The following FNDC1 variants were observed in gnomAD, a reference collection of about 807,000 sequenced individuals.
The protein encoded by FNDC1 is fibronectin type III domain containing 1.
A neutral mutation model predicts 168.0 loss-of-function variants in FNDC1; 96 were observed. The ratio of observed to expected loss-of-function variants is 0.57; its 90% CI spans 0.48 to 0.68. FNDC1 has a LOEUF of 0.68. Among genes scored for constraint, FNDC1 ranks in the 30% least tolerant of loss-of-function variants. FNDC1 has a pLI of 0.00. For missense variants in FNDC1, 2,587 were observed against 2,482.1 expected (o/e 1.04, Z -0.90); for synonymous variants, 1,099 against 1,025.9 (o/e 1.07, Z -1.36).
chr6:159,223,687 G>T, intron 7 of FNDC1, 42 bp downstream of exon 7: 2 of 1,220,868 alleles, frequency 1.6e-6, no homozygotes, highest in Non-Finnish European at 1.2e-6. Context: ...TGAGAGATGG[G>T]GTTTTTCTGG....
intron 1 of FNDC1, among the ~76,000 whole-genome samples, chr6:159,185,402 G>A (rs943532517): frequency 6.6e-6 from 1 of 152,226 alleles, no homozygotes; most frequent in Non-Finnish European, 1.5e-5. Flanking sequence ...AAATCCAGAA[G>A]TGATGTTAGG....
intron 7 of FNDC1, 30 bp from the exon 8 acceptor site, chr6:159,225,505 G>C: frequency 6.4e-7 from 1 of 1,556,696 alleles, no homozygotes; most frequent in Non-Finnish European, 8.8e-7. Context: ...AGAGAATTTG[G>C]ACAGATCATT....
At chr6:159,188,746 CTTT>C (rs869093208) in intron 1 of FNDC1, among the ~76,000 whole-genome samples, 4 of 126,516 alleles carry the variant, frequency 3.2e-5, no homozygotes, top group South Asian at 2.7e-4. Flanking sequence ...TTAATTTTTA[CTTT>C]TTTTTTTTTT....
intron 6 of FNDC1, among the ~76,000 whole-genome samples, chr6:159,222,576 G>C (rs980651627): frequency 6.6e-6 from 1 of 152,212 alleles, no homozygotes; most frequent in Non-Finnish European, 1.5e-5. Context: ...CATCTTGTGA[G>C]TCTTTTGAAC....
chr6:159,266,135 C>T lies in FNDC1; in HGVS notation c.5336C>T (p.Thr1779Met), dbSNP rs549929881. The change falls in exon 21 of 23, where the codon ACG (threonine) becomes ATG (methionine). Residue 1779 changes from threonine (T) to methionine (M), a missense_variant. Physicochemically the swap from Thr to Met is moderately conservative, Grantham distance 81 (BLOSUM62 -1). Transcript: ENST00000297267. Reference protein sequence around the residue: ...PFAFKHDPSYTDCHGRQYVKR... With the variant: ...PFAFKHDPSYMDCHGRQYVKR... ...GCTTTCAAACATGATCCCAGCTACACGGACTGCCATGGACGGCAATATGTG... is the reference window on the plus strand; with the variant it reads ...GCTTTCAAACATGATCCCAGCTACATGGACTGCCATGGACGGCAATATGTG... 2.7e-5 allele frequency: 43 copies of T among 1,613,830 alleles called. No individual in the cohort carries two copies. The highest frequency in any genetic ancestry group is 8.3e-5 in the Admixed American group (5 of 60,004).
intron 4 of FNDC1, among the ~76,000 whole-genome samples, chr6:159,213,634 A>G (rs1782650518): frequency 1.3e-5 from 2 of 152,096 alleles, no homozygotes; most frequent in African/African-American, 4.8e-5. Flanking sequence ...GCTGACTCAC[A>G]TAAGACCAGT....
chr6:159,220,238 GTCT>G (rs1429083764), intron 5 of FNDC1, among the ~76,000 whole-genome samples: 1 of 152,172 alleles, frequency 6.6e-6, no homozygotes, highest in African/African-American at 2.4e-5. Context: ...TTGAACACAA[GTCT>G]TCTTTCACGT....
At chr6:159,249,216 G>A (rs762228931) in intron 16 of FNDC1, 34 bp downstream of exon 16, 1 of 1,575,288 alleles carries the variant, frequency 6.3e-7, no homozygotes, top group East Asian at 2.3e-5. Context: ...AGAAACATGG[G>A]TTTTTAACTT....
In FNDC1 at chr6:159,234,020, A is replaced by C. The variant is rs1783182931; in HGVS notation, c.3508A>C (p.Lys1170Gln). Residue 1170 changes from lysine to glutamine, a missense_variant, in exon 11 of 23, where the codon AAG becomes CAG. Coordinates refer to ENST00000297267, the MANE Select transcript of FNDC1 (RefSeq NM_032532.3). ...EPPSKRPLSSKSQQSVSAEDD... is the reference protein window; with the variant it reads ...EPPSKRPLSSQSQQSVSAEDD... The stretch of plus-strand genomic sequence containing the variant: ...TCCTTCCAAGCGGCCCCTGTCCTCC[A>C]AGTCCCAGCAGTCGGTCTCAGCCGA... 6.2e-7 allele frequency: 1 copy of C among 1,610,284 alleles called. No individual in the cohort carries two copies.
At chr6:159,214,022 T>G (rs1051571949) in intron 4 of FNDC1, among the ~76,000 whole-genome samples, 2 of 152,248 alleles carry the variant, frequency 1.3e-5, no homozygotes, top group Non-Finnish European at 2.9e-5. Context: ...CTAATAAAAT[T>G]AGTCAGAATT....
At chr6:159,269,401 CTA>C (rs1777679433) in intron 22 of FNDC1, among the ~76,000 whole-genome samples, 1 of 35,298 alleles carries the variant, frequency 2.8e-5, no homozygotes, top group South Asian at 1.4e-3. Flanking sequence ...ATCCATCTGT[CTA>C]TGTATGTATG....
chr6:159,195,290 C>T (rs1782220986), intron 1 of FNDC1, among the ~76,000 whole-genome samples: 1 of 152,018 alleles, frequency 6.6e-6, no homozygotes, highest in Admixed American at 6.6e-5. Flanking sequence ...GAACATCACT[C>T]ACTTATTCCA....
chr6:159,236,207 C>A lies in FNDC1; in HGVS notation c.3968-8C>A. ...GGCTCTGTTATTTTTATTTTTGGTA[C>A]TGTGTAGGTTATAATGGCAGACCAA... On this transcript the variant is annotated splice_polypyrimidine_tract_variant and splice_region_variant and intron_variant, in intron 11 of 22. Transcript: ENST00000297267. 1 of 1,600,282 alleles carries A rather than the reference C, an allele frequency of 6.2e-7. No individual in the cohort carries two copies. The highest frequency in any genetic ancestry group is 8.6e-7 in the Non-Finnish European group (1 of 1,169,408).
At position 159,221,699 on chromosome 6, in the gene FNDC1, A is replaced by T; in HGVS notation, c.766+3A>T. ...CCTAACAAAGCGAAAGATTTCAGGTATGTTTCTAAGGATGCATTTGGTCAA... is the reference window on the plus strand; with the variant it reads ...CCTAACAAAGCGAAAGATTTCAGGTTTGTTTCTAAGGATGCATTTGGTCAA... On this transcript the variant is annotated splice_donor_region_variant and intron_variant, in intron 6 of 22. Transcript: ENST00000297267. 1 of 1,611,448 alleles carries T rather than the reference A, an allele frequency of 6.2e-7. No individual in the cohort carries two copies. Among genetic ancestry groups the T allele is most frequent in the South Asian group, 1.1e-5 (1 of 91,024 alleles).
chr6:159,271,424 C>T lies in FNDC1; in HGVS notation c.5667C>T (p.Ser1889=), dbSNP rs1777746231. The T allele has an allele frequency of 1.2e-6, 2 of 1,609,634 alleles. No individual in the cohort carries two copies. The highest frequency in any genetic ancestry group is 1.7e-6 in the Non-Finnish European group (2 of 1,178,082). The change falls in exon 23 of 23, where the codon TCC becomes TCT. Residue 1889 remains serine, a synonymous_variant. Coordinates refer to ENST00000297267, the MANE Select transcript of FNDC1 (RefSeq NM_032532.3). ...TGGGCTGGTACGAGTGTGGGGTCTC[C>T]ATCCCTGGAAAGTGGTAATCACAGG... ...YYVGWYECGV[S]IPGKW is the part of the protein sequence containing the mutation.
intron 1 of FNDC1, among the ~76,000 whole-genome samples, chr6:159,179,028 A>G (rs747508193): frequency 1.3e-5 from 2 of 152,106 alleles, no homozygotes; most frequent in African/African-American, 2.4e-5. Flanking sequence ...TCCTTTCCAC[A>G]CCACGCCCTC....
chr6:159,185,530 A>C (rs1362424390), intron 1 of FNDC1, among the ~76,000 whole-genome samples: 2 of 152,336 alleles, frequency 1.3e-5, no homozygotes, highest in Non-Finnish European at 1.5e-5. Context: ...GGACTGTCCC[A>C]TGGTTTAACA....
intron 2 of FNDC1, among the ~76,000 whole-genome samples, chr6:159,197,847 A>T (rs543875779): frequency 6.6e-6 from 1 of 152,346 alleles, no homozygotes; most frequent in East Asian, 1.9e-4. Context: ...GAACTCAAGT[A>T]TTCCTGTTTC....
chr6:159,186,209 G>A (rs186030355), intron 1 of FNDC1, among the ~76,000 whole-genome samples: 12 of 152,120 alleles, frequency 7.9e-5, no homozygotes, highest in East Asian at 3.9e-4. Context: ...CCAAGTTGGC[G>A]GGTGGTGGGG....
Sources: allele counts gnomAD v4.1 joint callset (sites outside exome capture counted in the v4.1 genomes callset), GRCh38; gene constraint gnomAD v4.1.1; transcripts MANE v1.5; gene names NCBI Gene and HGNC (gene_info 2026-07-23, HGNC 2026-07-21).